The following ZNF507 variants were observed in gnomAD, a reference collection of about 807,000 sequenced individuals.
The protein encoded by ZNF507 is zinc finger protein 507.
ZNF507 carries 29 observed loss-of-function variants against 80.0 expected under a neutral mutation model. The ratio of observed to expected loss-of-function variants is 0.36; its 90% CI spans 0.27 to 0.49. The LOEUF is 0.49. Among genes scored for constraint, ZNF507 ranks in the 20% least tolerant of loss-of-function variants. ZNF507 has a pLI of 0.98. For synonymous variants in ZNF507, 462 were observed against 422.5 expected (o/e 1.09, Z -1.15); for missense variants, 1,081 against 1,152.2 (o/e 0.94, Z 0.90).
At chr19:32,374,764 G>A (rs900466774) in intron 5 of ZNF507, among the ~76,000 whole-genome samples, 31 of 152,098 alleles carry the variant, frequency 2.0e-4, no homozygotes, top group African/African-American at 7.5e-4. Flanking sequence ...TTACAGGCAT[G>A]AGCCACCACA....
intron 5 of ZNF507, among the ~76,000 whole-genome samples, chr19:32,367,216 G>A (rs753127893): frequency 3.9e-5 from 6 of 152,146 alleles, no homozygotes; most frequent in Admixed American, 6.5e-5. Flanking sequence ...GTCAGATCTT[G>A]CAGTAACAGA....
At position 32,383,090 on chromosome 19, in the gene ZNF507, T is replaced by G; in HGVS notation, c.*7T>G. ...AGCTCTAAACACAAATTAGGTGGAA[T>G]AATGACTCGAGCAGGAAAGCAGTAG... On this transcript the variant is annotated 3_prime_UTR_variant, in exon 7 of 7. Coordinates refer to ENST00000355898, the MANE Select transcript of ZNF507 (RefSeq NM_001136156.2). 4.4e-6 allele frequency: 7 copies of G among 1,606,854 alleles called. No individual in the cohort carries two copies. Among genetic ancestry groups the G allele is most frequent in the Non-Finnish European group, 6.0e-6 (7 of 1,174,456 alleles).
chr19:32,361,351 A>C (rs2145325137), intron 5 of ZNF507, among the ~76,000 whole-genome samples: 1 of 152,322 alleles, frequency 6.6e-6, no homozygotes, highest in South Asian at 2.1e-4. Flanking sequence ...GTCAAAACTT[A>C]GCAGGTTTAA....
rs986113105 is a variant in ZNF507, at chr19:32,352,700, A to G, written c.-2-129A>G. On this transcript the variant is annotated intron_variant, in intron 2 of 6. Coordinates refer to ENST00000355898, the MANE Select transcript of ZNF507 (RefSeq NM_001136156.2). ...ACTGGGGATCGCCGGGTGTGTGGAC[A>G]TGGAGCTTCCAGCTTAGAAAATACT... 1.7e-5 allele frequency: 13 copies of G among 759,228 alleles called. No homozygotes were observed. In the Admixed American group the frequency reaches 3.6e-4, roughly 21 times the overall value. The allele number at this position is 759,228 out of a possible 1,614,324, so 47.0% of individuals were successfully genotyped here.
intron 5 of ZNF507, among the ~76,000 whole-genome samples, chr19:32,371,642 TA>T (rs11298060): frequency 0.4 from 45,731 of 114,296 alleles, 8,922 homozygotes; most frequent in East Asian, 0.56. Context: ...TTATTATTAT[TA>T]TTTTTTTTTT....
intron 5 of ZNF507, among the ~76,000 whole-genome samples, chr19:32,375,387 A>AT (rs1409866266): frequency 6.6e-6 from 1 of 152,228 alleles, no homozygotes; most frequent in Non-Finnish European, 1.5e-5. Flanking sequence ...CCCAGTTCAC[A>AT]AGAAACATGA....
Position 32,354,476 on chromosome 19 carries a change from A to C in ZNF507, c.1646A>C (p.Asn549Thr), listed in dbSNP as rs766087495. The C allele has an allele frequency of 5.0e-6, 8 of 1,613,290 alleles. No homozygotes were observed. The African/African-American group carries it at 1.1e-4, about 22-fold the overall frequency. The change falls in exon 3 of 7, where the codon AAC becomes ACC. Residue 549 changes from asparagine (N) to threonine (T), a missense_variant. By Grantham distance (65) the Asn-to-Thr change is moderately conservative (BLOSUM62 0). Coordinates refer to ENST00000355898, the MANE Select transcript of ZNF507 (RefSeq NM_001136156.2). ...AYSKMMSPLK[N>T]SSDGLTSLNQ... ...TCAAAAATGATGTCGCCACTTAAAA[A>C]CTCTTCAGATGGATTAACTAGTCTT... is the stretch of plus-strand genomic sequence containing the variant.
intron 5 of ZNF507, among the ~76,000 whole-genome samples, chr19:32,374,922 T>TA (rs1967526743): frequency 6.6e-6 from 1 of 152,204 alleles, no homozygotes; most frequent in Non-Finnish European, 1.5e-5. Flanking sequence ...TTAAGCTTGA[T>TA]ACTAGTTTTG....
Position 32,382,871 on chromosome 19 carries a change from A to G in ZNF507, c.2650A>G (p.Ser884Gly). The change falls in exon 7 of 7, where the codon AGC becomes GGC. Residue 884 changes from serine (S) to glycine (G), a missense_variant. Ser to Gly is a moderately conservative substitution (Grantham distance 56, BLOSUM62 0). This residue lies in a region of ZNF507 where 138 missense variants were observed against 158.4 expected (regional missense o/e 0.87). Transcript: ENST00000355898. ...VLGTNENEKL[S>G]PTSNTSYSLE... ...GGGTACCAACGAGAATGAGAAACTG[A>G]GCCCTACAAGTAATACCTCATATAG... 6.2e-7 allele frequency: 1 copy of G among 1,614,146 alleles called. No individual in the cohort carries two copies.
At chr19:32,358,276 T>C (rs1040612698) in intron 4 of ZNF507, 1 of 152,262 alleles carries the variant, frequency 6.6e-6, no homozygotes, top group African/African-American at 2.4e-5. Context: ...AAAAAATTTT[T>C]AGCTCACAAA....
chr19:32,378,550 G>A (rs896598616), intron 5 of ZNF507, among the ~76,000 whole-genome samples: 1 of 151,832 alleles, frequency 6.6e-6, no homozygotes, highest in Non-Finnish European at 1.5e-5. Context: ...TATGGCAGAT[G>A]TACCCCAGGA....
chr19:32,361,534 GACTT>G (rs1428561514), intron 5 of ZNF507, among the ~76,000 whole-genome samples: 1 of 152,176 alleles, frequency 6.6e-6, no homozygotes, highest in Non-Finnish European at 1.5e-5. Context: ...CAAACCAGCA[GACTT>G]ACTTATAATC....
At chr19:32,377,137 A>T (rs1967559576) in intron 5 of ZNF507, among the ~76,000 whole-genome samples, 1 of 152,068 alleles carries the variant, frequency 6.6e-6, no homozygotes, top group African/African-American at 2.4e-5. Context: ...CCTCCACAAG[A>T]GGTGGAGGAG....
At chr19:32,358,677 C>A (rs1003056636) in intron 4 of ZNF507, 1 of 152,120 alleles carries the variant, frequency 6.6e-6, no homozygotes, top group Non-Finnish European at 1.5e-5. Flanking sequence ...TATAATTTGC[C>A]AAGCGCTGGG....
intron 5 of ZNF507, among the ~76,000 whole-genome samples, chr19:32,374,182 A>ACACACACACACACT (rs1967513624): frequency 6.6e-6 from 1 of 151,434 alleles, no homozygotes; most frequent in Admixed American, 6.6e-5. Flanking sequence ...ACACACACAC[A>ACACACACACACACT]CACACACTCT....
At chr19:32,382,314 CTCTTAGAATCAGTAACA>C in intron 5 of ZNF507, 136 bp from the exon 6 acceptor site, 1 of 935,208 alleles carries the variant, frequency 1.1e-6, no homozygotes, top group Admixed American at 2.6e-5. Flanking sequence ...ATCAGTGTAC[CTCTTAGAATCAGTAACA>C]TCTTAGATTC....
rs895761688 is a variant in ZNF507, at chr19:32,373,058, C to G, written c.2361-9409C>G. Among the ~76,000 whole-genome samples the G allele has an allele frequency of 2.6e-5, 4 of 152,158 alleles. No homozygotes were observed. The South Asian group carries it at 6.2e-4, about 24-fold the overall frequency. Reference sequence around the variant, plus strand: ...ATAAATAACACCTTTTTGCAGCATCCTGACATGCTGGAAGGGGCAATAAAG... The same window carrying G: ...ATAAATAACACCTTTTTGCAGCATCGTGACATGCTGGAAGGGGCAATAAAG... On this transcript the variant is annotated intron_variant, in intron 5 of 6. Transcript: ENST00000355898.
At position 32,360,631 on chromosome 19, in the gene ZNF507, A is replaced by G. The variant is rs767125040; in HGVS notation, c.2360+13A>G. 2.8e-6 allele frequency: 4 copies of G among 1,408,904 alleles called. No individual in the cohort carries two copies. Among genetic ancestry groups the G allele is most frequent in the Non-Finnish European group, 3.8e-6 (4 of 1,044,054 alleles). The allele number at this position is 1,408,904 out of a possible 1,614,324, so 87.3% of individuals were successfully genotyped here. A position where few individuals can be genotyped will look rare whatever the true frequency, so the allele number is the denominator to read the frequency against. On this transcript the variant is annotated intron_variant, in intron 5 of 6. Coordinates refer to ENST00000355898, the MANE Select transcript of ZNF507 (RefSeq NM_001136156.2). Reference sequence around the variant, plus strand: ...ATAAGCCGTACAGGTAAGTGTTATGATTCTAGAATTTTAATGTTTGTATTA... The same window carrying G: ...ATAAGCCGTACAGGTAAGTGTTATGGTTCTAGAATTTTAATGTTTGTATTA...
intron 3 of ZNF507, 107 bp from the exon 4 acceptor site, chr19:32,356,509 A>T (rs1203661675): frequency 2.9e-6 from 2 of 691,138 alleles, no homozygotes; most frequent in Non-Finnish European, 5.0e-6. Context: ...AAAATATGGT[A>T]ATTCGTTGTA....
Sources: gnomAD v4.1 joint callset for allele counts (sites outside exome capture counted in the v4.1 genomes callset) on GRCh38, gnomAD v4.1.1 for gene constraint, gnomAD v4.1.1 regional missense constraint, MANE v1.5 for transcripts, NCBI Gene and HGNC (gene_info 2026-07-23, HGNC 2026-07-21) for gene names.